The following NTPCR variants were observed in gnomAD, a reference collection of about 807,000 sequenced individuals.
NTPCR encodes the protein nucleoside-triphosphatase, cancer-related, also known as cancer-related nucleoside-triphosphatase.
A neutral mutation model predicts 19.5 loss-of-function variants in NTPCR; 15 were observed. That is an observed-to-expected ratio of 0.77 (90% CI 0.51 to 1.18). The LOEUF (loss-of-function observed/expected upper bound fraction) is 1.18. Among genes scored for constraint, NTPCR ranks in the 50% most tolerant of loss-of-function variants. The probability of loss-of-function intolerance (pLI) is 0.00; values close to 1 mark genes in which losing one functional copy is unlikely to be tolerated. For missense variants in NTPCR, 206 were observed against 240.4 expected (o/e 0.86, Z 0.95); for synonymous variants, 90 against 95.8 (o/e 0.94, Z 0.36).
intron 1 of NTPCR, among the ~76,000 whole-genome samples, chr1:232,954,551 G>A (rs966081496): frequency 3.3e-5 from 5 of 152,198 alleles, no homozygotes; most frequent in African/African-American, 4.8e-5. Context: ...AAAAGTCATG[G>A]TGACAGGTAA....
chr1:232,976,450 T>G, intron 4 of NTPCR: 1 of 1,550,562 alleles, frequency 6.4e-7, no homozygotes. Flanking sequence ...ACTGCTGAAC[T>G]CAGAGTGGAA....
chr1:232,956,539 C>A (rs1480387016), intron 3 of NTPCR, 96 bp downstream of exon 3: 2 of 806,516 alleles, frequency 2.5e-6, no homozygotes, highest in Non-Finnish European at 4.2e-6. Context: ...CTCTTAAAGG[C>A]CCCAGTTTTG....
At chr1:232,958,256 C>A (rs1668566767) in intron 3 of NTPCR, among the ~76,000 whole-genome samples, 1 of 152,222 alleles carries the variant, frequency 6.6e-6, no homozygotes, top group African/African-American at 2.4e-5. Flanking sequence ...GCCTAGAAGG[C>A]CCTGTAGCCC....
Position 232,979,781 on chromosome 1 carries a change from T to G in NTPCR, c.*1550T>G, listed in dbSNP as rs1405552110. On this transcript the variant is annotated 3_prime_UTR_variant, in exon 5 of 5. Transcript: ENST00000366628. The surrounding 1 kb of genome is among the most constrained non-coding windows in gnomAD (Gnocchi z 5.3). ...GGCCAGGAGAGGCACGGCCTCTGAG[T>G]TGGGTAGAGGCTTCCCACAAAGGCC... 1.3e-5 allele frequency: 2 copies of G among 151,912 alleles called. No individual in the cohort carries two copies. Among genetic ancestry groups the G allele is most frequent in the Admixed American group, 1.3e-4 (2 of 15,274 alleles). 9.4% of individuals were successfully genotyped at this position (151,912 alleles called of 1,614,324 possible).
chr1:232,976,516 A>G (rs1394719859), intron 4 of NTPCR: 12 of 1,533,734 alleles, frequency 7.8e-6, no homozygotes, highest in Admixed American at 2.2e-5. Context: ...CCTCAGGTGG[A>G]TTCCTTGAAT....
At chr1:232,965,962 A>T (rs1356659967) in intron 3 of NTPCR, 1 of 152,130 alleles carries the variant, frequency 6.6e-6, no homozygotes, top group East Asian at 1.9e-4. Context: ...AGTATTCTTG[A>T]CTGGGGAAGG....
Position 232,982,178 on chromosome 1 carries a change from T to C in NTPCR, c.*3947T>C, listed in dbSNP as rs1669300564. The C allele has an allele frequency of 6.6e-6, 1 of 152,206 alleles. No individual in the cohort carries two copies. The highest frequency in any genetic ancestry group is 1.5e-5 in the Non-Finnish European group (1 of 68,034). 9.4% of individuals were successfully genotyped at this position (152,206 alleles called of 1,614,324 possible). ...CCTTTCTGATACATAGCTGACTAGA[T>C]GAAGGACCAGATTAACAAGTTCATG... On this transcript the variant is annotated 3_prime_UTR_variant, in exon 5 of 5. Coordinates refer to ENST00000366628, the MANE Select transcript of NTPCR (RefSeq NM_032324.3).
At position 232,972,763 on chromosome 1, in the gene NTPCR, T is replaced by C. The variant is rs570491017; in HGVS notation, c.504+2645T>C. On this transcript the variant is annotated intron_variant, in intron 4 of 4. Coordinates refer to ENST00000366628, the MANE Select transcript of NTPCR (RefSeq NM_032324.3). Reference sequence around the variant, plus strand: ...TTTCTTTATCTGCAAACTTAGGTGTTGGATTAGATATATTTTTGGGTTCTT... The same window carrying C: ...TTTCTTTATCTGCAAACTTAGGTGTCGGATTAGATATATTTTTGGGTTCTT... 3.3e-5 allele frequency among the ~76,000 whole-genome samples: 5 copies of C among 152,350 alleles called. No homozygotes were observed. In the East Asian group the frequency reaches 9.6e-4, roughly 29 times the overall value.
At chr1:232,970,621 G>C (rs1347676379) in intron 4 of NTPCR, among the ~76,000 whole-genome samples, 1 of 152,162 alleles carries the variant, frequency 6.6e-6, no homozygotes, top group African/African-American at 2.4e-5. Context: ...CAGTAGTGAG[G>C]GAAATGTGCT....
chr1:232,976,360 G>A (rs1440285913), intron 4 of NTPCR: 1 of 1,546,564 alleles, frequency 6.5e-7, no homozygotes, highest in South Asian at 1.2e-5. Flanking sequence ...CTGTGTCATA[G>A]AAGACCAGAG....
chr1:232,955,995 T>C (rs371644721), intron 2 of NTPCR, among the ~76,000 whole-genome samples: 31 of 152,202 alleles, frequency 2.0e-4, no homozygotes, highest in African/African-American at 6.5e-4. Context: ...AAGAAAGTGA[T>C]ATTTTACTTA....
intron 1 of NTPCR, among the ~76,000 whole-genome samples, chr1:232,953,454 C>G (rs1444938976): frequency 6.6e-6 from 1 of 152,148 alleles, no homozygotes; most frequent in Non-Finnish European, 1.5e-5. Context: ...CCAAATGCTT[C>G]CTATTTATTG....
intron 4 of NTPCR, chr1:232,976,772 CG>C: frequency 4.7e-6 from 2 of 425,508 alleles, no homozygotes; most frequent in East Asian, 8.7e-5. Context: ...AATGGGATCA[CG>C]GGATTGACGC....
Position 232,983,647 on chromosome 1 carries a change from A to G in NTPCR, c.*5416A>G, listed in dbSNP as rs1253524390. ...GACTCAGTTTCTAAACTCACATCCTAACGTATCCTGGCTTTTCACAGAATA... is the reference window on the plus strand; with the variant it reads ...GACTCAGTTTCTAAACTCACATCCTGACGTATCCTGGCTTTTCACAGAATA... On this transcript the variant is annotated 3_prime_UTR_variant, in exon 5 of 5. Transcript: ENST00000366628. 6.6e-6 allele frequency: 1 copy of G among 152,194 alleles called. No individual in the cohort carries two copies. The highest frequency in any genetic ancestry group is 1.9e-4 in the East Asian group (1 of 5,198). The allele number at this position is 152,194 out of a possible 1,614,324, so 9.4% of individuals were successfully genotyped here. A position where few individuals can be genotyped will look rare whatever the true frequency, so the allele number is the denominator to read the frequency against.
At chr1:232,973,315 C>T (rs996287777) in intron 4 of NTPCR, among the ~76,000 whole-genome samples, 3 of 152,026 alleles carry the variant, frequency 2.0e-5, no homozygotes, top group East Asian at 3.9e-4. Flanking sequence ...TTCTTCATAA[C>T]GTTGGGTGAA....
chr1:232,972,839 T>C (rs1021589148), intron 4 of NTPCR, among the ~76,000 whole-genome samples: 1 of 152,242 alleles, frequency 6.6e-6, no homozygotes, highest in Non-Finnish European at 1.5e-5. Context: ...GAGAGTGCCC[T>C]TCACATTCAG....
intron 3 of NTPCR, among the ~76,000 whole-genome samples, chr1:232,958,392 G>A (rs1230549406): frequency 2.0e-5 from 3 of 152,170 alleles, no homozygotes; most frequent in East Asian, 1.9e-4. Context: ...TGGTGAGCAC[G>A]CTGTCTTCAT....
At chr1:232,954,518 T>C (rs1053266170) in intron 1 of NTPCR, among the ~76,000 whole-genome samples, 1 of 152,202 alleles carries the variant, frequency 6.6e-6, no homozygotes, top group Non-Finnish European at 1.5e-5. Flanking sequence ...TAAATCCATA[T>C]TGGGAACAAG....
rs896365847 is a variant in NTPCR, at chr1:232,979,990, G to C, written c.*1759G>C. 3 of 152,310 alleles carry C rather than the reference G, an allele frequency of 2.0e-5. No homozygotes were observed. Among genetic ancestry groups the C allele is most frequent in the African/African-American group, 7.2e-5 (3 of 41,468 alleles). The allele number at this position is 152,310 out of a possible 1,614,324, so 9.4% of individuals were successfully genotyped here. On this transcript the variant is annotated 3_prime_UTR_variant, in exon 5 of 5. Coordinates refer to ENST00000366628, the MANE Select transcript of NTPCR (RefSeq NM_032324.3). This position sits in a 1 kb window ranked among gnomAD's most constrained non-coding sequence, Gnocchi z 5.3. ...CCTGGCACCTCCGGGAGGCCGTTTTGCGTTTCCGCCCTTCATGCATCTGAA... is the reference window on the plus strand; with the variant it reads ...CCTGGCACCTCCGGGAGGCCGTTTTCCGTTTCCGCCCTTCATGCATCTGAA...
Sources: gnomAD v4.1 joint callset for allele counts (sites outside exome capture counted in the v4.1 genomes callset) on GRCh38, gnomAD v4.1.1 for gene constraint, Gnocchi (gnomAD v3.1) non-coding constraint, MANE v1.5 for transcripts, NCBI Gene and HGNC (gene_info 2026-07-23, HGNC 2026-07-21) for gene names.